CD38: variants seen among roughly 807,000 people sequenced by gnomAD.
The protein encoded by CD38 is ADP-ribosyl cyclase/cyclic ADP-ribose hydrolase 1.
CD38 carries 31 observed loss-of-function variants against 36.3 expected under a neutral mutation model. That is an observed-to-expected ratio of 0.85 (90% CI 0.64 to 1.15). CD38 has a LOEUF of 1.15. Ranked by LOEUF, CD38 falls within the 50% of genes most tolerant of loss-of-function variation. The pLI, the probability that CD38 is intolerant of heterozygous loss-of-function variation, is 0.00. For synonymous variants in CD38, 131 were observed against 135.2 expected, an observed-to-expected ratio of 0.97 and a Z score of 0.22; for missense variants, 380 against 371.9, an observed-to-expected ratio of 1.02 and a Z score of -0.18.
In CD38 at chr4:15,824,959, A is replaced by G. The variant is rs1723816548; in HGVS notation, c.442A>G (p.Thr148Ala). 3 of 1,613,878 alleles carry G rather than the reference A, an allele frequency of 1.9e-6. No individual in the cohort carries two copies. Among genetic ancestry groups the G allele is most frequent in the Non-Finnish European group, 1.7e-6 (2 of 1,179,958 alleles). Residue 148 changes from threonine to alanine, a missense_variant, in exon 3 of 8, where the codon ACG becomes GCG. Physicochemically the swap from Thr to Ala is moderately conservative, Grantham distance 58 (BLOSUM62 0). Transcript: ENST00000226279. ...GCGGGACATGTTCACCCTGGAGGAC[A>G]CGCTGCTAGGCTACCTTGCTGATGA... ...VQRDMFTLED[T>A]LLGYLADDLT...
At position 15,849,638 on chromosome 4, in the gene CD38, C is replaced by G. The variant is rs896048179; in HGVS notation, c.*1036C>G. On this transcript the variant is annotated 3_prime_UTR_variant, in exon 8 of 8. Coordinates refer to ENST00000226279, the MANE Select transcript of CD38 (RefSeq NM_001775.4). ...TTTCTCTCTTTTTTCATGGATTAAC[C>G]TTGCTTGAGGGCTTTAACAATTGTA... The G allele has an allele frequency of 6.6e-6, 1 of 152,100 alleles. No homozygotes were observed. Among genetic ancestry groups the G allele is most frequent in the East Asian group, 1.9e-4 (1 of 5,198 alleles). 9.4% of individuals were successfully genotyped at this position (152,100 alleles called of 1,614,324 possible). A position where few individuals can be genotyped will look rare whatever the true frequency, so the allele number is the denominator to read the frequency against.
chr4:15,814,812 GT>G (rs566976363), intron 1 of CD38, among the ~76,000 whole-genome samples: 5,589 of 112,506 alleles, frequency 0.05, 250 homozygotes, highest in African/African-American at 0.18. Context: ...TTTGTTTTTT[GT>G]TTTTTTTTTT....
intron 1 of CD38, among the ~76,000 whole-genome samples, chr4:15,798,077 A>C (rs1723139084): frequency 6.6e-6 from 1 of 152,212 alleles, no homozygotes; most frequent in Admixed American, 6.5e-5. Context: ...CAAATGTTTT[A>C]TAGAGATGAG....
chr4:15,801,789 C>T (rs570675705), intron 1 of CD38, among the ~76,000 whole-genome samples: 10 of 152,200 alleles, frequency 6.6e-5, no homozygotes, highest in Non-Finnish European at 1.2e-4. Flanking sequence ...GAAGAAGGAA[C>T]ACACTTCATC....
chr4:15,849,260 G>A lies in CD38; in HGVS notation c.*658G>A, dbSNP rs377758155. 2.6e-5 allele frequency: 4 copies of A among 152,110 alleles called. No homozygotes were observed. The highest frequency in any genetic ancestry group is 5.9e-5 in the Non-Finnish European group (4 of 68,020). The allele number at this position is 152,110 out of a possible 1,614,324, so 9.4% of individuals were successfully genotyped here. A position where few individuals can be genotyped will look rare whatever the true frequency, so the allele number is the denominator to read the frequency against. ...AAAAGTAATTGCAAGTTTTGCCACC[G>A]AAAGGAATGGCAAAACCACAATTAT... On this transcript the variant is annotated 3_prime_UTR_variant, in exon 8 of 8. Transcript: ENST00000226279.
rs370593359 is a variant in CD38 at position 15,834,323 on chromosome 4, T to A, written c.585+21T>A. The stretch of plus-strand genomic sequence containing the variant: ...GCAGGGTAAGTACCAAGTAGTGAAA[T>A]TCTAGAGCTTTGGAGACCACAGAAC... On this transcript the variant is annotated intron_variant, in intron 4 of 7. Transcript: ENST00000226279. 2.7e-6 allele frequency: 4 copies of A among 1,490,980 alleles called. No homozygotes were observed. The African/African-American group carries it at 5.5e-5, about 21-fold the overall frequency. The allele number at this position is 1,490,980 out of a possible 1,614,324, so 92.4% of individuals were successfully genotyped here. A position where few individuals can be genotyped will look rare whatever the true frequency, so the allele number is the denominator to read the frequency against.
At chr4:15,813,430 AT>A (rs1355950176) in intron 1 of CD38, among the ~76,000 whole-genome samples, 6 of 151,760 alleles carry the variant, frequency 4.0e-5, no homozygotes, top group Non-Finnish European at 5.9e-5. Context: ...TTACATGTTA[AT>A]TTTTTTTTAA....
intron 1 of CD38, among the ~76,000 whole-genome samples, chr4:15,779,343 G>GA (rs1312729261): frequency 4.0e-5 from 6 of 151,584 alleles, no homozygotes; most frequent in African/African-American, 9.7e-5. Flanking sequence ...ACAAACCTTG[G>GA]AAAAAAAACA....
chr4:15,829,977 T>C, intron 3 of CD38, among the ~76,000 whole-genome samples: 1 of 152,206 alleles, frequency 6.6e-6, no homozygotes, highest in Admixed American at 6.5e-5. Flanking sequence ...CACATTTTCT[T>C]TATCCATTTA....
At chr4:15,790,125 C>CTCCCTCTCCCTCTCCCTT (rs1722928635) in intron 1 of CD38, among the ~76,000 whole-genome samples, 1 of 42,752 alleles carries the variant, frequency 2.3e-5, no homozygotes, top group Non-Finnish European at 4.1e-5. Context: ...CCCTCTCCCT[C>CTCCCTCTCCCTCTCCCTT]TCCCTCTCCC....
rs145039892 is a variant in CD38 at position 15,778,528 on chromosome 4, G to C, written c.114G>C (p.Val38=). Residue 38 remains valine, a synonymous_variant, in exon 1 of 8, where the codon GTG becomes GTC. Transcript: ENST00000226279. This position sits in a 1 kb window ranked among gnomAD's most constrained non-coding sequence, Gnocchi z 4.9. The part of the protein sequence containing the change: ...VSILVLILVV[V]LAVVVPRWRQ... The stretch of plus-strand genomic sequence containing the variant: ...TCCTGGTCCTGATCCTCGTCGTGGT[G>C]CTCGCGGTGGTCGTCCCGAGGTGGC... 6.2e-7 allele frequency: 1 copy of C among 1,613,464 alleles called. No homozygotes were observed. The highest frequency in any genetic ancestry group is 8.5e-7 in the Non-Finnish European group (1 of 1,179,984).
chr4:15,817,403 T>C (rs1192507535), intron 2 of CD38, among the ~76,000 whole-genome samples: 1 of 152,220 alleles, frequency 6.6e-6, no homozygotes, highest in East Asian at 1.9e-4. Flanking sequence ...CTCATTCCAT[T>C]GTTAGTGAGC....
chr4:15,820,656 G>A (rs773994618), intron 2 of CD38, among the ~76,000 whole-genome samples: 18 of 151,960 alleles, frequency 1.2e-4, no homozygotes, highest in Non-Finnish European at 2.4e-4. Context: ...AAATATATAT[G>A]TGCCCAATAC....
chr4:15,791,044 TGG>T (rs1246995244), intron 1 of CD38, among the ~76,000 whole-genome samples: 10 of 104,674 alleles, frequency 9.6e-5, no homozygotes, highest in African/African-American at 2.8e-4. Context: ...GGGAGGGAGG[TGG>T]GGGGGGGTCA....
At chr4:15,831,417 T>C (rs1347479033) in intron 3 of CD38, among the ~76,000 whole-genome samples, 1 of 152,216 alleles carries the variant, frequency 6.6e-6, no homozygotes, top group Non-Finnish European at 1.5e-5. Context: ...AATATCCTTT[T>C]CTTTCTAATT....
At chr4:15,809,301 T>G (rs1467459001) in intron 1 of CD38, among the ~76,000 whole-genome samples, 1 of 152,228 alleles carries the variant, frequency 6.6e-6, no homozygotes, top group African/African-American at 2.4e-5. Context: ...TGGTTCTGCC[T>G]GAGTTTAAGT....
Position 15,849,732 on chromosome 4 carries a change from C to G in CD38, c.*1130C>G, listed in dbSNP as rs141523373. The G allele has an allele frequency of 1.2e-4, 19 of 152,196 alleles. No homozygotes were observed. Among genetic ancestry groups the G allele is most frequent in the African/African-American group, 4.6e-4 (19 of 41,524 alleles). The allele number at this position is 152,196 out of a possible 1,614,324, so 9.4% of individuals were successfully genotyped here. On this transcript the variant is annotated 3_prime_UTR_variant, in exon 8 of 8. Transcript: ENST00000226279. ...CTATTTAATTGGGTTTTGCTCTTCT[C>G]TTTAGCATTGGAAACATAGAAATGC...
chr4:15,803,390 G>A (rs1331111960), intron 1 of CD38, among the ~76,000 whole-genome samples: 3 of 152,102 alleles, frequency 2.0e-5, no homozygotes, highest in Non-Finnish European at 4.4e-5. Context: ...CTCTGACAAG[G>A]AATTAATATC....
chr4:15,842,261 C>A (rs1237922560), intron 7 of CD38, among the ~76,000 whole-genome samples: 3 of 133,308 alleles, frequency 2.3e-5, no homozygotes, highest in Non-Finnish European at 4.7e-5. Flanking sequence ...CCCTGACCCC[C>A]GAGCAGCCTA....
Sources: allele counts gnomAD v4.1 joint callset (sites outside exome capture counted in the v4.1 genomes callset), GRCh38; gene constraint gnomAD v4.1.1; non-coding constraint Gnocchi (gnomAD v3.1); transcripts MANE v1.5; gene names NCBI Gene and HGNC (gene_info 2026-07-23, HGNC 2026-07-21).